LARP1B: variants seen among roughly 807,000 people sequenced by gnomAD.
The protein encoded by LARP1B is la-related protein 1B.
In LARP1B, 76 loss-of-function variants were observed where a neutral mutation model predicts 114.2. The observed-to-expected ratio is 0.67, with a 90% confidence interval of 0.55 to 0.81. The LOEUF is 0.81. Ranked by LOEUF, LARP1B falls within the 30% of genes least tolerant of loss-of-function variation. The pLI, the probability that LARP1B is intolerant of heterozygous loss-of-function variation, is 0.00. For missense variants in LARP1B, 1,014 were observed against 1,075.8 expected (o/e 0.94, Z 0.80); for synonymous variants, 345 against 348.0 (o/e 0.99, Z 0.10).
chr4:128,089,107 T>C (rs2149546657), intron 5 of LARP1B, among the ~76,000 whole-genome samples: 1 of 152,188 alleles, frequency 6.6e-6, no homozygotes, highest in African/African-American at 2.4e-5. Flanking sequence ...TTGTTACTGG[T>C]TGTCACAACT....
Position 128,200,577 on chromosome 4 carries a change from TG to T in LARP1B, c.2223del (p.Trp741CysfsTer33). The T allele has an allele frequency of 6.3e-7, 1 of 1,596,050 alleles. No individual in the cohort carries two copies. The highest frequency in any genetic ancestry group is 8.5e-7 in the Non-Finnish European group (1 of 1,171,678). ...AGAAATGAATACCCTCTTTCGTTTC[TG>T]GTCCTTTTTCCTCAGAGATCACTTC... ...SQEMNTLFRF[W>X]SFFLRDHFNK... On this transcript the variant is annotated frameshift_variant, in exon 17 of 20. Transcript: ENST00000326639. LOFTEE classifies it high-confidence loss of function.
At chr4:128,214,049 C>T (rs1464943974), downstream of LARP1B, among the ~76,000 whole-genome samples, 8 of 149,666 alleles carry the variant, frequency 5.3e-5, 1 homozygote, top group Admixed American at 1.3e-4. Flanking sequence ...GACGGACGCA[C>T]CTGGAAAATC....
intron 5 of LARP1B, among the ~76,000 whole-genome samples, chr4:128,088,578 A>G (rs142752778): frequency 1.9e-3 from 294 of 152,228 alleles, no homozygotes; most frequent in African/African-American, 6.7e-3. Context: ...ATTTTAATGC[A>G]TGTTTTCCAG....
chr4:128,097,513 G>T (rs1220158156), intron 7 of LARP1B, among the ~76,000 whole-genome samples: 1 of 151,752 alleles, frequency 6.6e-6, no homozygotes, highest in Admixed American at 6.6e-5. Context: ...CTGCATGTTG[G>T]TCAGGCTGAT....
At chr4:128,159,304 G>C (rs1737298573) in intron 11 of LARP1B, among the ~76,000 whole-genome samples, 1 of 152,074 alleles carries the variant, frequency 6.6e-6, no homozygotes, top group African/African-American at 2.4e-5. Flanking sequence ...TATCACCACA[G>C]TCAAGACACT....
intron 14 of LARP1B, among the ~76,000 whole-genome samples, chr4:128,179,065 C>A (rs1315578721): frequency 1.3e-5 from 2 of 152,130 alleles, no homozygotes; most frequent in African/African-American, 4.8e-5. Flanking sequence ...TGCACTCCAG[C>A]CTTGGCAACA....
At chr4:128,094,400 C>CTTTTTTTTTTTTTTTTTT (rs776529101) in intron 7 of LARP1B, among the ~76,000 whole-genome samples, 5 of 128,738 alleles carry the variant, frequency 3.9e-5, no homozygotes, top group Non-Finnish European at 6.6e-5. Flanking sequence ...TTTTCTTTTT[C>CTTTTTTTTTTTTTTTTTT]TTTTTTTTTT....
At position 128,122,077 on chromosome 4, in the gene LARP1B, G is replaced by A. The variant is rs1788132287; in HGVS notation, c.1413G>A (p.Met471Ile). Residue 471 changes from methionine to isoleucine, a missense_variant, in exon 11 of 20, where the codon ATG becomes ATA. Coordinates refer to ENST00000326639, the MANE Select transcript of LARP1B (RefSeq NM_018078.4). The stretch of plus-strand genomic sequence containing the variant: ...GAGGAGATCGAACAGGCACCCACAT[G>A]TCTCGGGCAAAAATCACATCTGAAC... ...HPGGDRTGTH[M>I]SRAKITSELA... 4.3e-6 allele frequency: 7 copies of A among 1,614,084 alleles called. No homozygotes were observed. Among genetic ancestry groups the A allele is most frequent in the Admixed American group, 1.7e-5 (1 of 60,024 alleles).
intron 7 of LARP1B, among the ~76,000 whole-genome samples, chr4:128,221,510 G>A (rs892869139): frequency 3.9e-5 from 6 of 152,118 alleles, no homozygotes; most frequent in South Asian, 2.1e-4. Flanking sequence ...TATACTGCAC[G>A]TATTAGCTTC....
chr4:128,222,469 A>T, exon 8 of LARP1B: 1 of 416,516 alleles, frequency 2.4e-6, no homozygotes. Context: ...GCCCCACCCC[A>T]CATCAATGCC....
chr4:128,115,069 C>T (rs575077194), intron 10 of LARP1B, among the ~76,000 whole-genome samples: 1 of 152,118 alleles, frequency 6.6e-6, no homozygotes, highest in South Asian at 2.1e-4. Context: ...TCCTGAGTAG[C>T]TGGGATTATA....
At chr4:128,063,254 C>T (rs1038785216) in intron 1 of LARP1B, among the ~76,000 whole-genome samples, 15 of 148,506 alleles carry the variant, frequency 1.0e-4, no homozygotes, top group African/African-American at 3.5e-4. Flanking sequence ...TGGCGAAACC[C>T]CGTCTCTACT....
At chr4:128,135,356 G>A (rs1793035067) in intron 11 of LARP1B, among the ~76,000 whole-genome samples, 1 of 152,064 alleles carries the variant, frequency 6.6e-6, no homozygotes, top group African/African-American at 2.4e-5. Flanking sequence ...ATGGAATACA[G>A]GATGGCAGTT....
chr4:128,101,984 G>A (rs772481363), intron 8 of LARP1B, among the ~76,000 whole-genome samples: 17 of 152,100 alleles, frequency 1.1e-4, no homozygotes, highest in Non-Finnish European at 2.2e-4. Flanking sequence ...TTGACATTTT[G>A]TTTTTACAAC....
At chr4:128,077,760 T>A in intron 3 of LARP1B, 28 bp from the exon 4 acceptor site, 1 of 1,487,668 alleles carries the variant, frequency 6.7e-7, no homozygotes, top group Non-Finnish European at 8.9e-7. Context: ...TTAATGGAAA[T>A]CATTTCATTC....
chr4:128,089,873 C>G (rs928425228), intron 5 of LARP1B, among the ~76,000 whole-genome samples: 1 of 147,378 alleles, frequency 6.8e-6, no homozygotes, highest in African/African-American at 2.5e-5. Flanking sequence ...CAGGTTCAAA[C>G]AATTTTTCTG....
At position 128,146,989 on chromosome 4, in the gene LARP1B, A is replaced by T. The variant is rs192965285; in HGVS notation, c.1525-15205A>T. Among the ~76,000 whole-genome samples the T allele has an allele frequency of 3.4e-3, 519 of 152,338 alleles. 6 individuals are homozygous for T. The highest frequency in any genetic ancestry group is 0.011 in the South Asian group (55 of 4,828). ...GGACACAGAAGATAACTTCCATTGC[A>T]ACACATTCTCCTTGATGACAGTGTC... On this transcript the variant is annotated intron_variant, in intron 11 of 19. Coordinates refer to ENST00000326639, the MANE Select transcript of LARP1B (RefSeq NM_018078.4).
At chr4:128,158,809 G>A (rs1737010086) in intron 11 of LARP1B, among the ~76,000 whole-genome samples, 1 of 152,046 alleles carries the variant, frequency 6.6e-6, no homozygotes, top group African/African-American at 2.4e-5. Flanking sequence ...GTACAGAGAG[G>A]TACTGTGTAC....
intron 11 of LARP1B, among the ~76,000 whole-genome samples, chr4:128,128,112 C>G (rs991024360): frequency 1.8e-4 from 28 of 152,226 alleles, no homozygotes; most frequent in African/African-American, 6.7e-4. Context: ...CCCTATCTTA[C>G]ATCATGTATC....
Sources: allele counts gnomAD v4.1 joint callset (sites outside exome capture counted in the v4.1 genomes callset), GRCh38; gene constraint gnomAD v4.1.1; transcripts MANE v1.5; gene names NCBI Gene and HGNC (gene_info 2026-07-23, HGNC 2026-07-21).